NISCH: variants seen among roughly 807,000 people sequenced by gnomAD.
NISCH encodes nischarin.
NISCH carries 55 observed loss-of-function variants against 138.4 expected under a neutral mutation model. The observed-to-expected ratio is 0.40, with a 90% CI of 0.32 to 0.50. NISCH has a LOEUF of 0.50. Ranked by LOEUF, NISCH falls within the 20% of genes least tolerant of loss-of-function variation. NISCH has a pLI of 0.71. For missense variants in NISCH, 1,643 were observed against 2,005.5 expected, an observed-to-expected ratio of 0.82 and a Z score of 3.45; for synonymous variants, 860 against 861.5, an observed-to-expected ratio of 1.00 and a Z score of 0.03.
At chr3:52,467,153 A>G (rs1487184821) in intron 3 of NISCH, among the ~76,000 whole-genome samples, 1 of 151,612 alleles carries the variant, frequency 6.6e-6, no homozygotes, top group Non-Finnish European at 1.5e-5. Context: ...GGCATGTGCC[A>G]CCATGCCTGG....
intron 8 of NISCH, among the ~76,000 whole-genome samples, chr3:52,477,278 G>T (rs1203991030): frequency 6.6e-6 from 1 of 152,212 alleles, no homozygotes; most frequent in Non-Finnish European, 1.5e-5. Flanking sequence ...GGGAGTGTGG[G>T]CAGGGTTGAA....
intron 3 of NISCH, among the ~76,000 whole-genome samples, chr3:52,459,709 C>T (rs1171429385): frequency 6.6e-6 from 1 of 151,778 alleles, no homozygotes; most frequent in Non-Finnish European, 1.5e-5. Context: ...GCTGGGATTA[C>T]AGGCGTGTGC....
chr3:52,484,462 T>TTGGGGGCCCC, intron 13 of NISCH, 51 bp from the exon 14 acceptor site: 2 of 788,670 alleles, frequency 2.5e-6, no homozygotes, highest in Non-Finnish European at 3.7e-6. Flanking sequence ...ACAGCCGCTC[T>TTGGGGGCCCC]CCCCGCCCCA....
chr3:52,479,083 T>C (rs1020090040), intron 11 of NISCH, among the ~76,000 whole-genome samples: 3 of 152,154 alleles, frequency 2.0e-5, no homozygotes, highest in African/African-American at 7.2e-5. Context: ...GGAAGTCTAT[T>C]TGTGTCCCAC....
intron 18 of NISCH, 124 bp downstream of exon 18, chr3:52,490,355 C>A (rs1461614541): frequency 6.5e-6 from 7 of 1,073,162 alleles, no homozygotes; most frequent in Non-Finnish European, 9.5e-6. Context: ...CTGCAGTGGG[C>A]TGAGAGTTCC....
At chr3:52,464,820 G>A (rs1706737970) in intron 3 of NISCH, among the ~76,000 whole-genome samples, 1 of 150,538 alleles carries the variant, frequency 6.6e-6, no homozygotes, top group South Asian at 2.1e-4. Context: ...CACCACATCC[G>A]GCCTGCCCAG....
At chr3:52,470,727 G>T in intron 3 of NISCH, 132 bp from the exon 4 acceptor site, 1 of 762,134 alleles carries the variant, frequency 1.3e-6, no homozygotes, top group East Asian at 2.5e-5. Flanking sequence ...GTAGGTTTAT[G>T]CCCTCCTTTC....
chr3:52,489,666 C>T lies in NISCH; in HGVS notation c.3444C>T (p.Ser1148=). The change falls in exon 17 of 21, where the codon AGC becomes AGT. Residue 1148 remains serine (S), a synonymous_variant. Coordinates refer to ENST00000345716, the MANE Select transcript of NISCH (RefSeq NM_007184.4). ...RGSAIIELFH[S]SIAEVENEEL... The stretch of plus-strand genomic sequence containing the variant: ...GCGCCATCATCGAGCTCTTCCACAG[C>T]AGCATTGCTGAGGTAGCGGCCCGGG... The T allele has an allele frequency of 1.9e-6, 3 of 1,612,272 alleles. No homozygotes were observed. Among genetic ancestry groups the T allele is most frequent in the East Asian group, 2.2e-5 (1 of 44,872 alleles).
chr3:52,481,782 C>A, intron 13 of NISCH: 1 of 985,582 alleles, frequency 1.0e-6, no homozygotes, highest in Non-Finnish European at 1.2e-6. Flanking sequence ...AGCTCAGCCC[C>A]CTCCTCACTC....
intron 13 of NISCH, 51 bp from the exon 14 acceptor site, chr3:52,484,462 T>TTGGGCCCCCCCCCCCCCCCCCCCCCCC: frequency 1.3e-6 from 1 of 788,670 alleles, no homozygotes; most frequent in Non-Finnish European, 1.8e-6. Flanking sequence ...ACAGCCGCTC[T>TTGGGCCCCCCCCCCCCCCCCCCCCCCC]CCCCGCCCCA....
intron 3 of NISCH, among the ~76,000 whole-genome samples, chr3:52,463,603 T>A (rs147366130): frequency 6.6e-6 from 1 of 152,178 alleles, no homozygotes; most frequent in Non-Finnish European, 1.5e-5. Flanking sequence ...CATTCTTGCT[T>A]AACACTTCTT....
chr3:52,476,094 C>T (rs1290978622), intron 7 of NISCH, among the ~76,000 whole-genome samples: 2 of 152,132 alleles, frequency 1.3e-5, no homozygotes, highest in East Asian at 1.9e-4. Flanking sequence ...ACTGAGATTG[C>T]GCCACTGCAC....
chr3:52,490,734 A>G lies in NISCH; in HGVS notation c.3643A>G (p.Asn1215Asp), dbSNP rs770018037. ...CTGGCATCAGAAAAACACCGACTAC[A>G]ACAACAGCCCTTTCCACATCTCCCA... is the stretch of plus-strand genomic sequence containing the variant. ...DFWHQKNTDYNNSPFHISQCF... is the reference protein window; with the variant it reads ...DFWHQKNTDYDNSPFHISQCF... The change falls in exon 19 of 21, where the codon AAC becomes GAC. Residue 1215 changes from asparagine (N) to aspartate (D), a missense_variant. Coordinates refer to ENST00000345716, the MANE Select transcript of NISCH (RefSeq NM_007184.4). 6.2e-7 allele frequency: 1 copy of G among 1,614,018 alleles called. No homozygotes were observed. The highest frequency in any genetic ancestry group is 1.3e-5 in the African/African-American group (1 of 74,926).
In NISCH at chr3:52,466,154, A is replaced by T. The variant is rs191520917; in HGVS notation, c.361-4705A>T. On this transcript the variant is annotated intron_variant, in intron 3 of 20. Transcript: ENST00000345716. ...TTTCTTTTGAACTTACAGTCTTGCAACTCTCTTCAGTTAAAGCTGAGGTTT... is the reference window on the plus strand; with the variant it reads ...TTTCTTTTGAACTTACAGTCTTGCATCTCTCTTCAGTTAAAGCTGAGGTTT... Among the ~76,000 whole-genome samples, 11 of 151,996 alleles carry T rather than the reference A, an allele frequency of 7.2e-5. No homozygotes were observed. The East Asian group carries it at 1.5e-3, about 21-fold the overall frequency.
chr3:52,479,802 G>T lies in NISCH; in HGVS notation c.1356G>T (p.Val452=), dbSNP rs1195633393. The T allele has an allele frequency of 6.2e-7, 1 of 1,613,764 alleles. No homozygotes were observed. The highest frequency in any genetic ancestry group is 1.1e-5 in the South Asian group (1 of 90,996). Residue 452 remains valine, a synonymous_variant, in exon 12 of 21, where the codon GTG becomes GTT. Coordinates refer to ENST00000345716, the MANE Select transcript of NISCH (RefSeq NM_007184.4). ...TTEKELDTVE[V]LKAIQKAKEV... ...AGAAGGAGCTGGACACTGTGGAAGT[G>T]CTGAAAGCAATTCAGAAAGCCAAGG...
intron 3 of NISCH, among the ~76,000 whole-genome samples, chr3:52,460,928 C>T (rs1706614037): frequency 6.6e-6 from 1 of 152,170 alleles, no homozygotes; most frequent in South Asian, 2.1e-4. Flanking sequence ...GTCCTAAAAG[C>T]CCAGCTGTAT....
rs1464195449 is a variant in NISCH at position 52,489,830 on chromosome 3, G to A, written c.3456+152G>A. 3 of 1,370,476 alleles carry A rather than the reference G, an allele frequency of 2.2e-6. No homozygotes were observed. The African/African-American group carries it at 4.4e-5, about 20-fold the overall frequency. 84.9% of individuals were successfully genotyped at this position (1,370,476 alleles called of 1,614,324 possible). Reference sequence around the variant, plus strand: ...CAGCTTTGAGGACCTGGGCAGTGAGGTCCTGAGTTGCCCTCCCCTGGCCAT... The same window carrying A: ...CAGCTTTGAGGACCTGGGCAGTGAGATCCTGAGTTGCCCTCCCCTGGCCAT... On this transcript the variant is annotated intron_variant, in intron 17 of 20. Coordinates refer to ENST00000345716, the MANE Select transcript of NISCH (RefSeq NM_007184.4).
At position 52,455,638 on chromosome 3, in the gene NISCH, G is replaced by C. The variant is rs546891904; in HGVS notation, c.-4G>C. 9 of 1,334,806 alleles carry C rather than the reference G, an allele frequency of 6.7e-6. No individual in the cohort carries two copies. The highest frequency in any genetic ancestry group is 5.8e-6 in the Non-Finnish European group (6 of 1,035,158). 82.7% of individuals were successfully genotyped at this position (1,334,806 alleles called of 1,614,324 possible). A position where few individuals can be genotyped will look rare whatever the true frequency, so the allele number is the denominator to read the frequency against. Reference sequence around the variant, plus strand: ...CGGGCGGCGGTGGCGGCGGAGACCCGAACATGGCGACCGCGCGCACCTTCG... The same window carrying C: ...CGGGCGGCGGTGGCGGCGGAGACCCCAACATGGCGACCGCGCGCACCTTCG... On this transcript the variant is annotated 5_prime_UTR_variant, in exon 1 of 21. Transcript: ENST00000345716.
Position 52,455,741 on chromosome 3 carries a change from T to G in NISCH, c.93+7T>G. 1 of 1,349,114 alleles carries G rather than the reference T, an allele frequency of 7.4e-7. No individual in the cohort carries two copies. 83.6% of individuals were successfully genotyped at this position (1,349,114 alleles called of 1,614,324 possible). On this transcript the variant is annotated splice_region_variant and intron_variant, in intron 1 of 20. Transcript: ENST00000345716. ...GCTTGTGGACACTTATACGGTGTGT[T>G]GGGGGCGCGGGCACCCGAAGCGGGG...
Sources: allele counts gnomAD v4.1 joint callset (sites outside exome capture counted in the v4.1 genomes callset), GRCh38; gene constraint gnomAD v4.1.1; transcripts MANE v1.5; gene names NCBI Gene and HGNC (gene_info 2026-07-23, HGNC 2026-07-21).